Variants in NTRK1 observed in about 807,000 individuals in gnomAD.
The protein encoded by NTRK1 is neurotrophic receptor tyrosine kinase 1.
NTRK1 carries 62 observed loss-of-function variants against 86.8 expected under a neutral mutation model. The ratio of observed to expected loss-of-function variants is 0.71; its 90% CI spans 0.58 to 0.88. NTRK1 has a LOEUF of 0.88. Ranked by LOEUF, NTRK1 falls within the 40% of genes least tolerant of loss-of-function variation. The pLI is 0.00. For synonymous variants in NTRK1, 469 were observed against 456.6 expected (o/e 1.03, Z -0.35); for missense variants, 967 against 1,078.4 (o/e 0.90, Z 1.45).
Position 156,879,336 on chromosome 1 carries a change from G to T in NTRK1, c.2020G>T (p.Asp674Tyr), listed in dbSNP as rs80356677. ...GATTGGTGATTTTGGCATGAGCAGG[G>T]ATATCTACAGCACCGACTATTACCG... is the stretch of plus-strand genomic sequence containing the variant. Reference protein sequence around the residue: ...VKIGDFGMSRDIYSTDYYRVG... With the variant: ...VKIGDFGMSRYIYSTDYYRVG... The change falls in exon 15 of 17, where the codon GAT becomes TAT. Residue 674 changes from aspartate to tyrosine, a missense_variant. By Grantham distance (160) the Asp-to-Tyr change is radical. Around this residue, in one of 2 missense-constraint regions of NTRK1, gnomAD observed 637 missense variants for 776.5 expected, o/e 0.82. Coordinates refer to ENST00000524377, the MANE Select transcript of NTRK1 (RefSeq NM_002529.4). 5.0e-6 allele frequency: 8 copies of T among 1,609,332 alleles called. No individual in the cohort carries two copies. In the East Asian group the frequency reaches 1.8e-4, roughly 36 times the overall value.
chr1:156,856,630 TGGG>T (rs1441776045), upstream of NTRK1, among the ~76,000 whole-genome samples: 15 of 152,140 alleles, frequency 9.9e-5, 1 homozygote, highest in Admixed American at 7.2e-4. Context: ...TCACATTACC[TGGG>T]GGCATGGCTC....
At chr1:156,857,285 C>T (rs1558093505), upstream of NTRK1, among the ~76,000 whole-genome samples, 3 of 152,050 alleles carry the variant, frequency 2.0e-5, no homozygotes, top group Non-Finnish European at 2.9e-5. Flanking sequence ...CTATCCCTTC[C>T]AGGCAAAAGC....
At position 156,847,148 on chromosome 1, in the gene NTRK1, C is replaced by T. The variant is rs550287050; in HGVS notation, c.50+4955C>T. ...GCCTGGAACGAGGAACAGGAGACTG[C>T]TCCCTTCCCAGTGTCTTCACTTAGG... On this transcript the variant is annotated intron_variant, in intron 2 of 16. Coordinates refer to the NTRK1 transcript ENST00000392302. 2.6e-5 allele frequency among the ~76,000 whole-genome samples: 4 copies of T among 152,336 alleles called. No individual in the cohort carries two copies. In the South Asian group the frequency reaches 6.2e-4, roughly 24 times the overall value.
intron 1 of NTRK1, among the ~76,000 whole-genome samples, chr1:156,821,266 G>A (rs1485369925): frequency 2.6e-5 from 4 of 152,158 alleles, no homozygotes; most frequent in Non-Finnish European, 4.4e-5. Flanking sequence ...AGGTGTACCA[G>A]CATATTATTG....
At chr1:156,844,667 C>T (rs770638620) in intron 2 of NTRK1, 2 of 1,613,902 alleles carry the variant, frequency 1.2e-6, no homozygotes, top group Non-Finnish European at 1.7e-6. Context: ...GCGATGTAGG[C>T]ACAAAACGGG....
At chr1:156,867,055 T>C (rs952250677) in intron 4 of NTRK1, 77 bp downstream of exon 4, 15 of 1,443,740 alleles carry the variant, frequency 1.0e-5, no homozygotes, top group Non-Finnish European at 1.5e-5. Context: ...TTGGATGACA[T>C]TGGGTCACTG....
intron 2 of NTRK1, chr1:156,853,922 C>G: frequency 1.2e-6 from 2 of 1,614,080 alleles, no homozygotes; most frequent in South Asian, 2.2e-5. Context: ...CTGCAGCAGT[C>G]CCCAGTCAAT....
rs1379666240 is a variant in NTRK1, at chr1:156,868,639, A to G, written c.709A>G (p.Thr237Ala). The G allele has an allele frequency of 1.9e-6, 3 of 1,550,758 alleles. No homozygotes were observed. The highest frequency in any genetic ancestry group is 2.6e-6 in the Non-Finnish European group (3 of 1,147,006). ...CCTCACAGAGCTGGAGCAGTCAGCCACGGTGATGGTGAGAAGACCTTCGCT... is the reference window on the plus strand; with the variant it reads ...CCTCACAGAGCTGGAGCAGTCAGCCGCGGTGATGGTGAGAAGACCTTCGCT... ...WILTELEQSATVMKSGGLPSL... is the reference protein window; with the variant it reads ...WILTELEQSAAVMKSGGLPSL... The change falls in exon 6 of 17, where the codon ACG (threonine) becomes GCG (alanine). Residue 237 changes from threonine (T) to alanine (A), a missense_variant. Physicochemically the swap from Thr to Ala is moderately conservative, Grantham distance 58. This residue lies in a region of NTRK1 where 637 missense variants were observed against 776.5 expected (regional missense o/e 0.82). Transcript: ENST00000524377.
intron 14 of NTRK1, among the ~76,000 whole-genome samples, chr1:156,878,395 T>C (rs568273173): frequency 6.6e-6 from 1 of 152,328 alleles, no homozygotes; most frequent in African/African-American, 2.4e-5. Flanking sequence ...CCCCTCACAC[T>C]GCACTGCCAT....
upstream of NTRK1, among the ~76,000 whole-genome samples, chr1:156,858,133 G>A (rs895780801): frequency 2.6e-5 from 4 of 152,070 alleles, no homozygotes; most frequent in African/African-American, 4.8e-5. Context: ...GTTTCCTGTC[G>A]GCAACATTGC....
rs753406751 is a variant in NTRK1, at chr1:156,852,123, C to T, written c.50+9930C>T. On this transcript the variant is annotated intron_variant, in intron 2 of 16. Coordinates refer to the NTRK1 transcript ENST00000392302. ...CGAGGGTCTTCTGGCTGGCTGCAGC[C>T]CCCCAGGCATTCGGTGTGGCAGCAC... The T allele has an allele frequency of 2.0e-5, 32 of 1,613,326 alleles. No individual in the cohort carries two copies. In the Admixed American group the frequency reaches 4.3e-4, roughly 22 times the overall value.
rs377395864 is a variant in NTRK1, at chr1:156,844,679, C to A, written c.50+2486C>A. ...AAGGCGATGTAGGCACAAAACGGGG[C>A]TGGGACGGGGGTCCCACGGGCACCT... On this transcript the variant is annotated intron_variant, in intron 2 of 16. Coordinates refer to the NTRK1 transcript ENST00000392302. 15 of 1,613,992 alleles carry A rather than the reference C, an allele frequency of 9.3e-6. 1 individual carries two copies. In the African/African-American group the frequency reaches 2.0e-4, roughly 22 times the overall value.
chr1:156,843,177 G>C (rs746545231), intron 2 of NTRK1: 4 of 1,614,008 alleles, frequency 2.5e-6, no homozygotes, highest in South Asian at 2.2e-5. Flanking sequence ...CCCTGGCCCA[G>C]TTCCCGGATT....
chr1:156,844,867 C>G, intron 2 of NTRK1: 1 of 1,613,144 alleles, frequency 6.2e-7, no homozygotes, highest in South Asian at 1.1e-5. Flanking sequence ...CATCCAGCAG[C>G]CGGGCCAAAA....
chr1:156,821,238 G>A (rs1362418522), intron 1 of NTRK1, among the ~76,000 whole-genome samples: 1 of 152,146 alleles, frequency 6.6e-6, no homozygotes, highest in Non-Finnish European at 1.5e-5. Context: ...CTTTATGGTT[G>A]AGTCTTTAGG....
At chr1:156,874,706 C>A (rs2102910808) in intron 10 of NTRK1, 80 bp downstream of exon 10, 2 of 1,451,946 alleles carry the variant, frequency 1.4e-6, no homozygotes, top group South Asian at 2.4e-5. Flanking sequence ...CATTTCTGGT[C>A]AGAGCAGGGA....
At chr1:156,816,915 GATAGCGGTGGT>G (rs916432296) in intron 1 of NTRK1, 3 of 432,834 alleles carry the variant, frequency 6.9e-6, no homozygotes, top group Non-Finnish European at 1.2e-5. Flanking sequence ...CGCAGCTGTA[GATAGCGGTGGT>G]ATAGCGGTGG....
At chr1:156,858,514 G>C (rs1483688730), upstream of NTRK1, 4 of 1,599,956 alleles carry the variant, frequency 2.5e-6, no homozygotes, top group Non-Finnish European at 3.4e-6. Context: ...GTAGGGGTCT[G>C]GGAGCCAGTT....
intron 2 of NTRK1, chr1:156,844,250 A>G: frequency 6.2e-7 from 1 of 1,613,888 alleles, no homozygotes; most frequent in Non-Finnish European, 8.5e-7. Flanking sequence ...GGCAGTGAGG[A>G]GGACATGCAG....
Sources: allele counts gnomAD v4.1 joint callset (sites outside exome capture counted in the v4.1 genomes callset), GRCh38; gene constraint gnomAD v4.1.1; regional missense constraint gnomAD v4.1.1; transcripts MANE v1.5; gene names NCBI Gene and HGNC (gene_info 2026-07-23, HGNC 2026-07-21).